The following OLFM2 variants were observed in gnomAD, a reference collection of about 807,000 sequenced individuals.
OLFM2 encodes olfactomedin 2.
OLFM2 carries 20 observed loss-of-function variants against 43.9 expected under a neutral mutation model. The ratio of observed to expected loss-of-function variants is 0.46; its 90% CI spans 0.32 to 0.66. The LOEUF (loss-of-function observed/expected upper bound fraction) is 0.66, where lower values mean the gene tolerates loss of function less well. Ranked by LOEUF, OLFM2 falls within the 30% of genes least tolerant of loss-of-function variation. The pLI, the probability that OLFM2 is intolerant of heterozygous loss-of-function variation, is 0.04. For synonymous variants in OLFM2, 268 were observed against 278.6 expected, an observed-to-expected ratio of 0.96 and a Z score of 0.38; for missense variants, 416 against 643.6, an observed-to-expected ratio of 0.65 and a Z score of 3.83.
chr19:9,909,048 C>T (rs1472430153), intron 1 of OLFM2, among the ~76,000 whole-genome samples: 1 of 152,088 alleles, frequency 6.6e-6, no homozygotes, highest in East Asian at 1.9e-4. Flanking sequence ...CTATGTCGCC[C>T]AGGCTGGTCT....
At position 9,856,684 on chromosome 19, in the gene OLFM2, G is replaced by A; in HGVS notation, c.687+123C>T. ...CTGGACAGGGAGGTCCAATGGCCCT[G>A]GGGGATCCAGGACACTTTGGGCTAC... On this transcript the variant is annotated intron_variant, in intron 5 of 5. Coordinates refer to ENST00000264833, the MANE Select transcript of OLFM2 (RefSeq NM_058164.4). The surrounding 1 kb of genome is among the most constrained non-coding windows in gnomAD (Gnocchi z 4.0). 1 of 768,592 alleles carries A rather than the reference G, an allele frequency of 1.3e-6. No individual in the cohort carries two copies. Among genetic ancestry groups the A allele is most frequent in the Non-Finnish European group, 2.2e-6 (1 of 461,176 alleles). The allele number at this position is 768,592 out of a possible 1,614,324, so 47.6% of individuals were successfully genotyped here. A position where few individuals can be genotyped will look rare whatever the true frequency, so the allele number is the denominator to read the frequency against.
Position 9,936,392 on chromosome 19 carries a change from A to C in OLFM2, c.-26T>G. ...GACGCGCCCCTAGCCCGGCGTCCCG[A>C]CCCCCGCCCGCCCTAGCGGCGCCTC... On this transcript the variant is annotated 5_prime_UTR_variant, in exon 1 of 6. Coordinates refer to ENST00000264833, the MANE Select transcript of OLFM2 (RefSeq NM_058164.4). The C allele has an allele frequency of 7.2e-7, 1 of 1,382,066 alleles. No individual in the cohort carries two copies. The highest frequency in any genetic ancestry group is 9.4e-7 in the Non-Finnish European group (1 of 1,067,616). 85.6% of individuals were successfully genotyped at this position (1,382,066 alleles called of 1,614,324 possible). A position where few individuals can be genotyped will look rare whatever the true frequency, so the allele number is the denominator to read the frequency against.
intron 1 of OLFM2, among the ~76,000 whole-genome samples, chr19:9,865,130 C>T (rs2046390846): frequency 6.6e-6 from 1 of 151,334 alleles, no homozygotes; most frequent in Non-Finnish European, 1.5e-5. Context: ...TGGGAGGATC[C>T]AGAACTACTC....
intron 1 of OLFM2, among the ~76,000 whole-genome samples, chr19:9,896,106 T>G (rs2144969615): frequency 7.0e-6 from 1 of 143,210 alleles, no homozygotes; most frequent in Admixed American, 7.0e-5. Context: ...TTTTTTTTTT[T>G]TTTTTTTTGA....
At chr19:9,929,073 T>C (rs2086468836) in intron 1 of OLFM2, among the ~76,000 whole-genome samples, 1 of 152,032 alleles carries the variant, frequency 6.6e-6, no homozygotes, top group Non-Finnish European at 1.5e-5. Flanking sequence ...AGAGATAGAA[T>C]GGGCTTCCAC....
intron 1 of OLFM2, among the ~76,000 whole-genome samples, chr19:9,925,568 C>T (rs2145007138): frequency 1.3e-5 from 2 of 151,950 alleles, no homozygotes; most frequent in Middle Eastern, 3.4e-3. Flanking sequence ...CCCACCTCAG[C>T]CTCCCAAGTA....
At chr19:9,892,024 G>T (rs1377381723) in intron 1 of OLFM2, among the ~76,000 whole-genome samples, 2 of 152,118 alleles carry the variant, frequency 1.3e-5, no homozygotes, top group Non-Finnish European at 2.9e-5. Context: ...CTGGAGTCGG[G>T]CACTATTGCA....
At chr19:9,864,343 C>A (rs2046384638) in intron 1 of OLFM2, among the ~76,000 whole-genome samples, 1 of 152,140 alleles carries the variant, frequency 6.6e-6, no homozygotes. Flanking sequence ...CTGTGTCTCC[C>A]AGGCTGGAGG....
chr19:9,924,520 A>G (rs2086440572), intron 1 of OLFM2, among the ~76,000 whole-genome samples: 1 of 152,080 alleles, frequency 6.6e-6, no homozygotes, highest in African/African-American at 2.4e-5. Flanking sequence ...TGGCCACCCA[A>G]AGCACTGGGA....
Position 9,916,436 on chromosome 19 carries a change from A to G in OLFM2, c.63+19868T>C, listed in dbSNP as rs75190068. 2.1e-4 allele frequency among the ~76,000 whole-genome samples: 32 copies of G among 152,280 alleles called. No homozygotes were observed. The East Asian group carries it at 6.2e-3, about 29-fold the overall frequency. On this transcript the variant is annotated intron_variant, in intron 1 of 5. Coordinates refer to ENST00000264833, the MANE Select transcript of OLFM2 (RefSeq NM_058164.4). ...GAGTGCTGAACACTTTGCAGATGCA[A>G]TGTTAACAACTGCTGCAACATCCAT...
intron 1 of OLFM2, among the ~76,000 whole-genome samples, chr19:9,935,526 GCA>G (rs1204635493): frequency 2.0e-5 from 3 of 152,100 alleles, no homozygotes; most frequent in East Asian, 1.9e-4. Context: ...GGACACGTTT[GCA>G]CACACAGCGC....
chr19:9,914,362 G>C (rs1212065336), intron 1 of OLFM2, among the ~76,000 whole-genome samples: 1 of 152,124 alleles, frequency 6.6e-6, no homozygotes, highest in Non-Finnish European at 1.5e-5. Flanking sequence ...CCTTTAGCTG[G>C]GGGAAGGGGC....
At position 9,902,600 on chromosome 19, in the gene OLFM2, C is replaced by T. The variant is rs200092429; in HGVS notation, c.63+33704G>A. Reference sequence around the variant, plus strand: ...ATGGGTTTTCACCATGTTGGCCAGGCTGGTCTTGAACTCCACTCAAGTGAT... The same window carrying T: ...ATGGGTTTTCACCATGTTGGCCAGGTTGGTCTTGAACTCCACTCAAGTGAT... On this transcript the variant is annotated intron_variant, in intron 1 of 5. Transcript: ENST00000264833. Among the ~76,000 whole-genome samples, 18 of 152,062 alleles carry T rather than the reference C, an allele frequency of 1.2e-4. No homozygotes were observed. In the East Asian group the frequency reaches 3.5e-3, roughly 29 times the overall value.
intron 1 of OLFM2, among the ~76,000 whole-genome samples, chr19:9,884,573 A>G (rs1280391345): frequency 6.6e-6 from 1 of 152,082 alleles, no homozygotes; most frequent in African/African-American, 2.4e-5. Flanking sequence ...GACTGTAGAG[A>G]TGCTGGTGTT....
chr19:9,894,238 A>C (rs1009496708), intron 1 of OLFM2, among the ~76,000 whole-genome samples: 2 of 151,774 alleles, frequency 1.3e-5, no homozygotes, highest in African/African-American at 4.8e-5. Context: ...GGTTGCAGTG[A>C]GCAGAGATCA....
intron 1 of OLFM2, among the ~76,000 whole-genome samples, chr19:9,933,810 A>C (rs1460252721): frequency 6.7e-6 from 1 of 149,652 alleles, no homozygotes; most frequent in Non-Finnish European, 1.5e-5. Flanking sequence ...ACTTGCCTCA[A>C]CTTCCCAAAA....
intron 1 of OLFM2, among the ~76,000 whole-genome samples, chr19:9,869,176 T>C (rs2046425079): frequency 6.6e-6 from 1 of 152,156 alleles, no homozygotes; most frequent in Non-Finnish European, 1.5e-5. Context: ...CTCAGTGTCC[T>C]GAAACAAAAG....
intron 1 of OLFM2, among the ~76,000 whole-genome samples, chr19:9,877,951 C>G (rs2046505890): frequency 6.6e-6 from 1 of 152,110 alleles, no homozygotes; most frequent in Non-Finnish European, 1.5e-5. Flanking sequence ...ATTCCAGGCT[C>G]AGTCGATCCC....
At chr19:9,866,683 G>A (rs1032491504) in intron 1 of OLFM2, among the ~76,000 whole-genome samples, 9 of 151,638 alleles carry the variant, frequency 5.9e-5, no homozygotes, top group African/African-American at 1.7e-4. Flanking sequence ...TGGTAGAGAC[G>A]GGGATCTCAC....
Sources: allele counts gnomAD v4.1 joint callset (sites outside exome capture counted in the v4.1 genomes callset), GRCh38; gene constraint gnomAD v4.1.1; non-coding constraint Gnocchi (gnomAD v3.1); transcripts MANE v1.5; gene names NCBI Gene and HGNC (gene_info 2026-07-23, HGNC 2026-07-21).